NXN: variants seen among roughly 807,000 people sequenced by gnomAD.
NXN encodes the protein nucleoredoxin.
NXN carries 16 observed loss-of-function variants against 48.6 expected under a neutral mutation model. The observed-to-expected ratio is 0.33, with a 90% CI of 0.22 to 0.50. The LOEUF is 0.50. NXN is among the 20% of genes least tolerant of loss of function. The pLI, the probability that NXN is intolerant of heterozygous loss-of-function variation, is 0.98. For synonymous variants in NXN, 281 were observed against 269.6 expected (o/e 1.04, Z -0.41); for missense variants, 492 against 605.5 (o/e 0.81, Z 1.97).
At position 906,383 on chromosome 17, in the gene NXN, T is replaced by A. The variant is rs548867756; in HGVS notation, c.360+72936A>T. ...TAAAGTTTTTTTTTAAAGAAAAATG[T>A]CTGTAGTTCCCACCTGCCCGTTTCC... On this transcript the variant is annotated intron_variant, in intron 1 of 7. Transcript: ENST00000336868. 8.5e-5 allele frequency among the ~76,000 whole-genome samples: 13 copies of A among 152,238 alleles called. No homozygotes were observed. The East Asian group carries it at 2.5e-3, about 29-fold the overall frequency.
intron 1 of NXN, among the ~76,000 whole-genome samples, chr17:967,144 C>CTT (rs3062087): frequency 0.095 from 14,435 of 152,150 alleles, 2,139 homozygotes; most frequent in African/African-American, 0.32. Flanking sequence ...GTCCACCTGG[C>CTT]TTGGGACCCC....
chr17:823,504 CAGG>C (rs1279022081), intron 3 of NXN, 125 bp downstream of exon 3: 3 of 1,015,082 alleles, frequency 3.0e-6, no homozygotes, highest in Admixed American at 5.1e-5. Context: ...GCCTCGGGCA[CAGG>C]AGAAGGCCAG....
chr17:970,968 C>T (rs1356259236), intron 1 of NXN, among the ~76,000 whole-genome samples: 4 of 139,752 alleles, frequency 2.9e-5, no homozygotes, highest in African/African-American at 5.5e-5. Flanking sequence ...TTTTTTGACA[C>T]GGAGTTTCAC....
intron 1 of NXN, among the ~76,000 whole-genome samples, chr17:957,695 C>T (rs60865815): frequency 0.03 from 4,543 of 151,858 alleles, 172 homozygotes; most frequent in African/African-American, 0.087. Flanking sequence ...TGAGTGTGGC[C>T]TCCTTGGTCA....
intron 1 of NXN, among the ~76,000 whole-genome samples, chr17:933,113 C>T (rs1001876245): frequency 6.6e-6 from 1 of 152,158 alleles, no homozygotes; most frequent in South Asian, 2.1e-4. Flanking sequence ...CGAGAAACGA[C>T]ACAACCAACC....
intron 5 of NXN, among the ~76,000 whole-genome samples, chr17:816,937 G>A (rs1912499904): frequency 6.6e-6 from 1 of 152,158 alleles, no homozygotes; most frequent in Non-Finnish European, 1.5e-5. Context: ...TCTCTGCAGA[G>A]GGCCAGGCAG....
At chr17:850,632 G>A (rs1312502193) in intron 1 of NXN, among the ~76,000 whole-genome samples, 2 of 152,156 alleles carry the variant, frequency 1.3e-5, no homozygotes, top group African/African-American at 2.4e-5. Flanking sequence ...TCTCTCCAGG[G>A]GGGCGGCGTG....
intron 1 of NXN, among the ~76,000 whole-genome samples, chr17:893,338 T>A (rs1443119935): frequency 6.6e-6 from 1 of 152,200 alleles, no homozygotes; most frequent in Non-Finnish European, 1.5e-5. Context: ...CAGGAAACCC[T>A]AGGCAGAGGC....
intron 5 of NXN, among the ~76,000 whole-genome samples, chr17:815,019 G>T (rs958097705): frequency 1.3e-5 from 2 of 152,196 alleles, no homozygotes; most frequent in African/African-American, 4.8e-5. Context: ...ACCCACCTCG[G>T]CCTCCCAAAG....
intron 5 of NXN, among the ~76,000 whole-genome samples, chr17:807,356 G>A (rs1261435931): frequency 1.2e-4 from 18 of 152,240 alleles, no homozygotes; most frequent in Admixed American, 1.3e-4. Flanking sequence ...GCCAGCCTGC[G>A]TGTGCCCCGG....
chr17:912,515 A>G (rs1020323815), intron 1 of NXN, among the ~76,000 whole-genome samples: 2 of 152,142 alleles, frequency 1.3e-5, no homozygotes, highest in Non-Finnish European at 1.5e-5. Context: ...TCCTTTTGCC[A>G]GTTTAATAAT....
intron 1 of NXN, among the ~76,000 whole-genome samples, chr17:838,997 A>G (rs1186872945): frequency 6.6e-6 from 1 of 151,986 alleles, no homozygotes; most frequent in Non-Finnish European, 1.5e-5. Context: ...TCTGCTATGA[A>G]CCACCAGGGG....
chr17:802,539 G>A (rs994421655), intron 7 of NXN, among the ~76,000 whole-genome samples: 4 of 152,178 alleles, frequency 2.6e-5, no homozygotes, highest in South Asian at 2.1e-4. Context: ...GGCCGCCCCC[G>A]CCCGTGCCCG....
chr17:801,595 A>G (rs138881661), intron 7 of NXN, among the ~76,000 whole-genome samples: 2,695 of 151,740 alleles, frequency 0.018, 79 homozygotes, highest in African/African-American at 0.06. Flanking sequence ...ACAGGCGCCC[A>G]CCACGCCCGG....
rs941949161 is a variant in NXN, at chr17:956,771, A to C, written c.360+22548T>G. 6.6e-6 allele frequency among the ~76,000 whole-genome samples: 1 copy of C among 152,098 alleles called. No homozygotes were observed. The highest frequency in any genetic ancestry group is 1.5e-5 in the Non-Finnish European group (1 of 67,998). ...CCTCCACCGCAACCTGACAAGGTGG[A>C]CGCTGCTATCGTTCCCACTTTACAG... On this transcript the variant is annotated intron_variant, in intron 1 of 7. Coordinates refer to ENST00000336868, the MANE Select transcript of NXN (RefSeq NM_022463.5). This position sits in a 1 kb window ranked among gnomAD's most constrained non-coding sequence, Gnocchi z 4.1.
chr17:939,570 T>A (rs2068946913), intron 1 of NXN, among the ~76,000 whole-genome samples: 2 of 152,166 alleles, frequency 1.3e-5, no homozygotes, highest in African/African-American at 4.8e-5. Flanking sequence ...GGTCTCAAAC[T>A]CCTGACCTCA....
chr17:824,543 C>T (rs961186080), intron 2 of NXN, among the ~76,000 whole-genome samples: 1 of 152,220 alleles, frequency 6.6e-6, no homozygotes, highest in Non-Finnish European at 1.5e-5. Context: ...CCGGCCGTCA[C>T]ATCCCAGCGG....
At chr17:846,340 C>A (rs1228968455) in intron 1 of NXN, among the ~76,000 whole-genome samples, 1 of 149,472 alleles carries the variant, frequency 6.7e-6, no homozygotes, top group African/African-American at 2.5e-5. Context: ...TTGCGTGAAC[C>A]CGGGAGGTGG....
chr17:930,801 C>T (rs2068845352), intron 1 of NXN, among the ~76,000 whole-genome samples: 1 of 149,888 alleles, frequency 6.7e-6, no homozygotes, highest in African/African-American at 2.5e-5. Flanking sequence ...GACAGAATCT[C>T]GCTCTGGTTG....
Sources: allele counts gnomAD v4.1 joint callset (sites outside exome capture counted in the v4.1 genomes callset), GRCh38; gene constraint gnomAD v4.1.1; non-coding constraint Gnocchi (gnomAD v3.1); transcripts MANE v1.5; gene names NCBI Gene and HGNC (gene_info 2026-07-23, HGNC 2026-07-21).